Variants in CAPN8 observed in about 807,000 individuals in gnomAD.
The protein encoded by CAPN8 is calpain 8.
A neutral mutation model predicts 80.9 loss-of-function variants in CAPN8; 87 were observed. The observed-to-expected ratio is 1.07, with a 90% CI of 0.90 to 1.28. CAPN8 has a LOEUF of 1.28. Ranked by LOEUF, CAPN8 falls within the 50% of genes most tolerant of loss-of-function variation. The pLI is 0.00. For missense variants in CAPN8, 757 were observed against 702.0 expected, an observed-to-expected ratio of 1.08 and a Z score of -0.89; for synonymous variants, 299 against 273.8, an observed-to-expected ratio of 1.09 and a Z score of -0.91.
Position 223,619,400 on chromosome 1 carries a change from A to T in CAPN8, c.1028T>A (p.Leu343Gln). The T allele has an allele frequency of 1.3e-6, 2 of 1,551,700 alleles. No individual in the cohort carries two copies. Among genetic ancestry groups the T allele is most frequent in the South Asian group, 1.2e-5 (1 of 84,056 alleles). ...CTCGCTACTCAGAGAGTCCGGGGAC[A>T]GGTTGCAGATCTCCAACCGAGAGAA... ...RQFSRLEICN[L>Q]SPDSLSSEEV... Residue 343 changes from leucine to glutamine, a missense_variant, in exon 9 of 21, where the codon CTG becomes CAG. Coordinates refer to ENST00000366872, the MANE Select transcript of CAPN8 (RefSeq NM_001143962.2).
intron 2 of CAPN8, among the ~76,000 whole-genome samples, chr1:223,638,337 G>A (rs1340919870): frequency 6.6e-6 from 1 of 152,022 alleles, no homozygotes; most frequent in East Asian, 1.9e-4. Flanking sequence ...GTACCCCACA[G>A]ATACCGAGGG....
rs763781240 is a variant in CAPN8, at chr1:223,545,274, G to A, written c.1790C>T (p.Ala597Val). ...CAGCCAGAGCGTCTTGAATTCCACC[G>A]CCCCCAAAGTGCCCGTTCCATTGCT... The part of the protein sequence containing the change: ...LDSNGTGTLG[A>V]VEFKTLWLKI... The change falls in exon 17 of 21, where the codon GCG (alanine) becomes GTG (valine). Residue 597 changes from alanine (A) to valine (V), a missense_variant. Physicochemically the swap from Ala to Val is moderately conservative, Grantham distance 64 (BLOSUM62 0). Transcript: ENST00000366872. The A allele has an allele frequency of 2.1e-5, 32 of 1,551,444 alleles. No homozygotes were observed. Among genetic ancestry groups the A allele is most frequent in the Admixed American group, 5.9e-5 (3 of 50,966 alleles).
At chr1:223,648,504 G>C (rs1292473710) in intron 2 of CAPN8, among the ~76,000 whole-genome samples, 1 of 152,236 alleles carries the variant, frequency 6.6e-6, no homozygotes, top group East Asian at 1.9e-4. Context: ...TGATCTTAAA[G>C]ATGCTGACAC....
chr1:223,633,780 G>T (rs973584925), intron 2 of CAPN8, among the ~76,000 whole-genome samples: 9 of 152,154 alleles, frequency 5.9e-5, no homozygotes, highest in Admixed American at 2.6e-4. Flanking sequence ...AAGCTTAAAG[G>T]TCGGGATGTC....
chr1:223,611,114 T>C (rs1210730233), intron 11 of CAPN8, among the ~76,000 whole-genome samples: 4 of 152,226 alleles, frequency 2.6e-5, no homozygotes, highest in African/African-American at 7.2e-5. Context: ...TGTGTGCACG[T>C]CACCTCTCTC....
intron 14 of CAPN8, among the ~76,000 whole-genome samples, chr1:223,552,590 G>T (rs1178778192): frequency 2.0e-5 from 3 of 149,556 alleles, no homozygotes; most frequent in East Asian, 3.9e-4. Flanking sequence ...AAGACTTGAG[G>T]CCCCTTTAAA....
chr1:223,631,101 A>G (rs1317486016), intron 2 of CAPN8, among the ~76,000 whole-genome samples: 3 of 152,022 alleles, frequency 2.0e-5, no homozygotes, highest in East Asian at 1.9e-4. Flanking sequence ...TAATCTCCCA[A>G]TCGAACTTGG....
chr1:223,648,768 C>T (rs11582415), intron 2 of CAPN8, among the ~76,000 whole-genome samples: 58,010 of 152,096 alleles, frequency 0.38, 12,402 homozygotes, highest in Non-Finnish European at 0.49. Flanking sequence ...ATGAAAAAGA[C>T]ATCCATTTCA....
intron 2 of CAPN8, among the ~76,000 whole-genome samples, chr1:223,650,409 C>T (rs1334073489): frequency 1.3e-5 from 2 of 152,176 alleles, no homozygotes; most frequent in East Asian, 3.8e-4. Flanking sequence ...AGGCTGGGCC[C>T]ACGGCTGTGG....
Position 223,545,224 on chromosome 1 carries a change from G to C in CAPN8, c.1833+7C>G, listed in dbSNP as rs1656588064. 6.4e-7 allele frequency: 1 copy of C among 1,551,658 alleles called. No individual in the cohort carries two copies. The highest frequency in any genetic ancestry group is 8.7e-7 in the Non-Finnish European group (1 of 1,146,972). ...GGAGAGGATGCCCAGAAGGAAAAGA[G>C]AGTTACCAGATACTTCTGAATCTTC... On this transcript the variant is annotated splice_region_variant and intron_variant, in intron 17 of 20. Transcript: ENST00000366872.
chr1:223,628,523 T>C, intron 3 of CAPN8, 139 bp downstream of exon 3: 5 of 655,402 alleles, frequency 7.6e-6, no homozygotes, highest in Non-Finnish European at 1.3e-5. Context: ...CAGACTGAAG[T>C]GTGCATCAGA....
Position 223,543,188 on chromosome 1 carries a change from T to A in CAPN8, c.2030-22A>T, listed in dbSNP as rs1207204538. ...AGTTCTAAAACACCAGAGAAGGAAA[T>A]GAAATTAGATAAGGCTGTTCCTGGA... On this transcript the variant is annotated intron_variant, in intron 19 of 20. Coordinates refer to ENST00000366872, the MANE Select transcript of CAPN8 (RefSeq NM_001143962.2). The A allele has an allele frequency of 4.5e-6, 7 of 1,551,000 alleles. No individual in the cohort carries two copies. The Admixed American group carries it at 1.2e-4, about 26-fold the overall frequency.
chr1:223,624,148 G>A (rs1657490524), intron 6 of CAPN8, among the ~76,000 whole-genome samples: 1 of 152,158 alleles, frequency 6.6e-6, no homozygotes, highest in Admixed American at 6.5e-5. Context: ...TGCAATCACT[G>A]CAGGCTCTCA....
chr1:223,616,389 T>A (rs1022168753), intron 9 of CAPN8, among the ~76,000 whole-genome samples: 2 of 152,172 alleles, frequency 1.3e-5, no homozygotes, highest in African/African-American at 4.8e-5. Context: ...GTCCATTTGA[T>A]CAACGAGGAG....
At chr1:223,641,214 C>G (rs1558352293) in intron 2 of CAPN8, among the ~76,000 whole-genome samples, 2 of 152,148 alleles carry the variant, frequency 1.3e-5, no homozygotes. Context: ...AGTTCTCCCT[C>G]AAAAAGTCAA....
At chr1:223,633,825 G>A (rs1011263357) in intron 2 of CAPN8, among the ~76,000 whole-genome samples, 29 of 152,104 alleles carry the variant, frequency 1.9e-4, no homozygotes, top group African/African-American at 7.0e-4. Context: ...GCAAGAACTC[G>A]AGCTATAGCT....
intron 4 of CAPN8, among the ~76,000 whole-genome samples, 172 bp from the exon 5 acceptor site, chr1:223,627,329 G>C (rs73123885): frequency 0.039 from 5,952 of 152,280 alleles, 313 homozygotes; most frequent in East Asian, 0.15. Flanking sequence ...CATGTGCCCA[G>C]CTCAGCACTT....
At chr1:223,664,840 A>G (rs574431199) in intron 1 of CAPN8, among the ~76,000 whole-genome samples, 1 of 152,050 alleles carries the variant, frequency 6.6e-6, no homozygotes, top group South Asian at 2.1e-4. Flanking sequence ...TTGGGAGGTT[A>G]AGGTAGGAAA....
rs549417600 is a variant in CAPN8, at chr1:223,622,679, T to C, written c.899+136A>G. 30 of 718,826 alleles carry C rather than the reference T, an allele frequency of 4.2e-5. No homozygotes were observed. In the African/African-American group the frequency reaches 4.2e-4, roughly 10 times the overall value. The allele number at this position is 718,826 out of a possible 1,614,324, so 44.5% of individuals were successfully genotyped here. ...AGCCTGGATCCATTTAATACTCTTT[T>C]CTGAACACACTGTGTGATCTGCAGA... On this transcript the variant is annotated intron_variant, in intron 7 of 20. Transcript: ENST00000366872.
Sources: allele counts gnomAD v4.1 joint callset (sites outside exome capture counted in the v4.1 genomes callset), GRCh38; gene constraint gnomAD v4.1.1; transcripts MANE v1.5; gene names NCBI Gene and HGNC (gene_info 2026-07-23, HGNC 2026-07-21).